SPIN1: variants seen among roughly 807,000 people sequenced by gnomAD.
The protein encoded by SPIN1 is spindlin 1.
SPIN1 carries 3 observed loss-of-function variants against 26.0 expected under a neutral mutation model. The ratio of observed to expected loss-of-function variants is 0.12; its 90% CI spans 0.05 to 0.30. The LOEUF (loss-of-function observed/expected upper bound fraction) is 0.30. Ranked by LOEUF, SPIN1 falls within the 10% of genes least tolerant of loss-of-function variation. The pLI, the probability that SPIN1 is intolerant of heterozygous loss-of-function variation, is 1.00. For missense variants in SPIN1, 126 were observed against 333.4 expected, an observed-to-expected ratio of 0.38 and a Z score of 4.84; for synonymous variants, 101 against 116.5, an observed-to-expected ratio of 0.87 and a Z score of 0.86.
At chr9:88,391,144 G>A (rs904550372) in intron 1 of SPIN1, among the ~76,000 whole-genome samples, 1 of 152,122 alleles carries the variant, frequency 6.6e-6, no homozygotes, top group Non-Finnish European at 1.5e-5. Flanking sequence ...TCACATCAGG[G>A]AGGAGAGCTG....
At chr9:88,438,398 G>C (rs568457401) in intron 2 of SPIN1, among the ~76,000 whole-genome samples, 1 of 152,168 alleles carries the variant, frequency 6.6e-6, no homozygotes, top group South Asian at 2.1e-4. Flanking sequence ...TAATTACGTT[G>C]TTGTATGACA....
intron 1 of SPIN1, among the ~76,000 whole-genome samples, chr9:88,400,559 T>C (rs1023702887): frequency 1.3e-5 from 2 of 152,180 alleles, no homozygotes; most frequent in Admixed American, 1.3e-4. Context: ...TGAGAGTCTA[T>C]ATTTGGCCTG....
intron 1 of SPIN1, among the ~76,000 whole-genome samples, chr9:88,413,976 A>T (rs1045579817): frequency 5.9e-5 from 9 of 151,882 alleles, no homozygotes; most frequent in Non-Finnish European, 1.3e-4. Flanking sequence ...TTGATAATTC[A>T]GTTAGGATGA....
Position 88,475,163 on chromosome 9 carries a change from C to G in SPIN1, c.675C>G (p.Gly225=). The G allele has an allele frequency of 3.1e-6, 5 of 1,612,052 alleles. No individual in the cohort carries two copies. Among genetic ancestry groups the G allele is most frequent in the Non-Finnish European group, 4.2e-6 (5 of 1,179,732 alleles). Reference sequence around the variant, plus strand: ...AAGTGGAATATGCCAAAGAAGATGGCTCGAAAAGGACTGGCATGGTCATTC... The same window carrying G: ...AAGTGGAATATGCCAAAGAAGATGGGTCGAAAAGGACTGGCATGGTCATTC... ...GKQVEYAKED[G]SKRTGMVIHQ... Residue 225 remains glycine, a synonymous_variant, in exon 6 of 6, where the codon GGC becomes GGG. Transcript: ENST00000375859.
intron 5 of SPIN1, 42 bp downstream of exon 5, chr9:88,468,647 G>T: frequency 8.1e-7 from 1 of 1,235,520 alleles, no homozygotes. Flanking sequence ...TAATTAGAAG[G>T]GATTTGGACT....
At position 88,426,610 on chromosome 9, in the gene SPIN1, C is replaced by T; in HGVS notation, c.52+19C>T. On this transcript the variant is annotated intron_variant, in intron 2 of 5. Coordinates refer to ENST00000375859, the MANE Select transcript of SPIN1 (RefSeq NM_006717.3). ...GATGCAGGTAGGCATTGCGGTTCTA[C>T]ACATATTTAAATATATACTTTAATA... 1 of 1,604,442 alleles carries T rather than the reference C, an allele frequency of 6.2e-7. No homozygotes were observed. The highest frequency in any genetic ancestry group is 2.3e-5 in the East Asian group (1 of 44,348).
At chr9:88,451,137 C>T (rs1828344822) in intron 3 of SPIN1, among the ~76,000 whole-genome samples, 1 of 152,092 alleles carries the variant, frequency 6.6e-6, no homozygotes, top group Non-Finnish European at 1.5e-5. Flanking sequence ...ACTATAGCAT[C>T]CCTCTCCCCT....
intron 1 of SPIN1, among the ~76,000 whole-genome samples, chr9:88,424,072 C>T (rs915083727): frequency 2.6e-5 from 4 of 152,028 alleles, no homozygotes; most frequent in Non-Finnish European, 5.9e-5. Flanking sequence ...CTGGCCTTTA[C>T]ATCGTGTGTT....
intron 5 of SPIN1, among the ~76,000 whole-genome samples, chr9:88,471,654 C>CAAAAAAAAAA (rs1166469042): frequency 3.9e-4 from 23 of 59,726 alleles, no homozygotes; most frequent in East Asian, 6.1e-4. Flanking sequence ...GACTCTGTCT[C>CAAAAAAAAAA]AAAAAAAAAA....
intron 2 of SPIN1, among the ~76,000 whole-genome samples, chr9:88,426,795 A>G (rs10868777): frequency 0.19 from 29,231 of 152,202 alleles, 3,704 homozygotes; most frequent in African/African-American, 0.36. Context: ...ATAATCCTTT[A>G]GCAGGTTATA....
intron 3 of SPIN1, among the ~76,000 whole-genome samples, chr9:88,456,757 C>T (rs1305754489): frequency 6.6e-6 from 1 of 151,882 alleles, no homozygotes; most frequent in African/African-American, 2.4e-5. Context: ...CATCTTAGAG[C>T]ACTAAACGCA....
intron 2 of SPIN1, among the ~76,000 whole-genome samples, chr9:88,428,470 T>C (rs1416112065): frequency 6.6e-6 from 1 of 152,230 alleles, no homozygotes; most frequent in Non-Finnish European, 1.5e-5. Context: ...CTTAGGATAA[T>C]GGCCTCTAGC....
intron 3 of SPIN1, among the ~76,000 whole-genome samples, chr9:88,458,574 G>A (rs1440231108): frequency 1.3e-5 from 2 of 152,086 alleles, no homozygotes; most frequent in African/African-American, 2.4e-5. Flanking sequence ...TAACAGGTGT[G>A]GGAGGGAGCA....
intron 1 of SPIN1, among the ~76,000 whole-genome samples, chr9:88,404,041 A>G (rs1363637841): frequency 2.0e-5 from 3 of 152,204 alleles, no homozygotes; most frequent in African/African-American, 7.2e-5. Context: ...AAACCTGTAT[A>G]GTATGTGACT....
intron 5 of SPIN1, among the ~76,000 whole-genome samples, chr9:88,472,495 T>A (rs923819647): frequency 4.6e-5 from 7 of 151,724 alleles, no homozygotes; most frequent in African/African-American, 1.7e-4. Context: ...TGGCCACTTT[T>A]TATTTATTTA....
chr9:88,458,458 T>C (rs1404977525), intron 3 of SPIN1, among the ~76,000 whole-genome samples: 1 of 152,188 alleles, frequency 6.6e-6, no homozygotes, highest in African/African-American at 2.4e-5. Flanking sequence ...GGAGACCTTA[T>C]TTGCTCCTTG....
At chr9:88,446,208 C>A (rs1351697693) in intron 2 of SPIN1, among the ~76,000 whole-genome samples, 2 of 151,998 alleles carry the variant, frequency 1.3e-5, no homozygotes, top group South Asian at 2.1e-4. Flanking sequence ...TTAATTAATT[C>A]ACTCTTTTAG....
chr9:88,469,459 A>G (rs1828735031), intron 5 of SPIN1, among the ~76,000 whole-genome samples: 1 of 152,194 alleles, frequency 6.6e-6, no homozygotes, highest in Non-Finnish European at 1.5e-5. Context: ...CACACAGGTA[A>G]GGTAGAAGAG....
At chr9:88,444,988 C>T (rs1390514798) in intron 2 of SPIN1, among the ~76,000 whole-genome samples, 1 of 152,202 alleles carries the variant, frequency 6.6e-6, no homozygotes, top group Non-Finnish European at 1.5e-5. Flanking sequence ...GCCACGCGCC[C>T]AGCCCCTTTT....
Sources: gnomAD v4.1 joint callset for allele counts (sites outside exome capture counted in the v4.1 genomes callset) on GRCh38, gnomAD v4.1.1 for gene constraint, MANE v1.5 for transcripts, NCBI Gene and HGNC (gene_info 2026-07-23, HGNC 2026-07-21) for gene names.